The following USP13 variants were observed in gnomAD, a reference collection of about 807,000 sequenced individuals.
USP13 encodes ubiquitin specific peptidase 13, also known as ubiquitin carboxyl-terminal hydrolase 13.
A neutral mutation model predicts 107.8 loss-of-function variants in USP13; 68 were observed. The observed-to-expected ratio is 0.63, with a 90% CI of 0.52 to 0.77. USP13 has a LOEUF of 0.77. USP13 is among the 30% of genes least tolerant of loss of function. The pLI, the probability that USP13 is intolerant of heterozygous loss-of-function variation, is 0.00. For synonymous variants in USP13, 377 were observed against 389.5 expected (o/e 0.97, Z 0.38); for missense variants, 945 against 1,093.3 (o/e 0.86, Z 1.91).
rs542736821 is a variant in USP13 at position 179,655,381 on chromosome 3, C to T, written c.168+1988C>T. On this transcript the variant is annotated intron_variant, in intron 1 of 20. Transcript: ENST00000263966. ...GAATGTTACTATTCTAGAAACATCT[C>T]GTCCAGTGTAGACTGATGATTGCAA... 1.6e-4 allele frequency among the ~76,000 whole-genome samples: 24 copies of T among 152,138 alleles called. No homozygotes were observed. The East Asian group carries it at 4.4e-3, about 28-fold the overall frequency.
chr3:179,723,048 G>A (rs926534292), intron 8 of USP13, among the ~76,000 whole-genome samples: 4 of 152,178 alleles, frequency 2.6e-5, no homozygotes, highest in African/African-American at 9.7e-5. Flanking sequence ...ATCCTAATGT[G>A]TTCCAGAGGT....
chr3:179,783,036 C>T (rs959727991), intron 20 of USP13, among the ~76,000 whole-genome samples: 2 of 152,158 alleles, frequency 1.3e-5, no homozygotes, highest in East Asian at 3.9e-4. Context: ...TGAGTCACCG[C>T]ACCCGGCTGG....
chr3:179,688,078 T>TATCC lies in USP13; in HGVS notation c.295-2146_295-2143dup, dbSNP rs370920027. Reference sequence around the variant, plus strand: ...CCTGTTTTACTCCCTGTAATCAGGATATCCATCCATCCATCCATCCGTCCA... The same window carrying TATCC: ...CCTGTTTTACTCCCTGTAATCAGGATATCCATCCATCCATCCATCCATCCGTCCA... On this transcript the variant is annotated intron_variant, in intron 2 of 20. Transcript: ENST00000263966. Among the ~76,000 whole-genome samples, 29 of 87,412 alleles carry TATCC rather than the reference T, an allele frequency of 3.3e-4. No individual in the cohort carries two copies. In the East Asian group the frequency reaches 4.3e-3, roughly 13 times the overall value. 57.3% of individuals were successfully genotyped at this position (87,412 alleles called of 152,430 possible).
intron 6 of USP13, among the ~76,000 whole-genome samples, chr3:179,717,956 T>TAGAA (rs10625528): frequency 0.9 from 136,177 of 151,770 alleles, 61,374 homozygotes; most frequent in Non-Finnish European, 0.94. Context: ...TTATTAATAA[T>TAGAA]AGACTGAATT....
chr3:179,764,067 G>A lies in USP13; in HGVS notation c.2158G>A (p.Gly720Ser). The change falls in exon 18 of 21, where the codon GGT becomes AGT. Residue 720 changes from glycine (G) to serine (S), a missense_variant. Transcript: ENST00000263966. ...GAASAGASVF[G>S]ASGLDNQPPE... ...AGCTTCTGCTGGAGCCTCTGTTTTT[G>A]GTGCTTCTGGACTGGATAACCAACC... 1.2e-6 allele frequency: 2 copies of A among 1,613,764 alleles called. No individual in the cohort carries two copies. Among genetic ancestry groups the A allele is most frequent in the Non-Finnish European group, 1.7e-6 (2 of 1,179,962 alleles).
At chr3:179,662,451 CT>C (rs567179670) in intron 1 of USP13, among the ~76,000 whole-genome samples, 1 of 152,152 alleles carries the variant, frequency 6.6e-6, no homozygotes, top group Non-Finnish European at 1.5e-5. Context: ...TTGGCTTTCC[CT>C]GCTGCTGGCC....
At position 179,730,189 on chromosome 3, in the gene USP13, G is replaced by A. The variant is rs935790618; in HGVS notation, c.1089G>A (p.Ala363=). The change falls in exon 9 of 21, where the codon GCG becomes GCA. Residue 363 remains alanine (A), a splice_region_variant and synonymous_variant. Transcript: ENST00000263966. ...AIFSIPEFQR[A]YVGNLPRIFD... is the part of the protein sequence containing the mutation. ...TTAACTATTGCCTCTCATTTTCTAGGTATGTAGGAAACCTTCCCAGAATAT... is the reference window on the plus strand; with the variant it reads ...TTAACTATTGCCTCTCATTTTCTAGATATGTAGGAAACCTTCCCAGAATAT... The A allele has an allele frequency of 8.7e-6, 14 of 1,611,922 alleles. No homozygotes were observed. In the African/African-American group the frequency reaches 1.6e-4, roughly 18 times the overall value.
intron 15 of USP13, among the ~76,000 whole-genome samples, chr3:179,755,657 A>G (rs533187305): frequency 6.6e-6 from 1 of 152,368 alleles, no homozygotes; most frequent in South Asian, 2.1e-4. Context: ...TTGTGAGTTC[A>G]AAAACAGTGT....
At chr3:179,711,388 T>C (rs1441995215) in intron 6 of USP13, among the ~76,000 whole-genome samples, 2 of 152,106 alleles carry the variant, frequency 1.3e-5, no homozygotes, top group South Asian at 4.1e-4. Context: ...AATTTTTGTA[T>C]TTTTAGTAGA....
chr3:179,761,104 C>T lies in USP13; in HGVS notation c.1949-8C>T, dbSNP rs1158865303. ...TTTCACACTAGAATATCCTGTTGTG[C>T]TCTGTAGCATCAGACATCGATGAGT... On this transcript the variant is annotated splice_region_variant and splice_polypyrimidine_tract_variant and intron_variant, in intron 16 of 20. Transcript: ENST00000263966. 1 of 1,613,994 alleles carries T rather than the reference C, an allele frequency of 6.2e-7. No individual in the cohort carries two copies. The highest frequency in any genetic ancestry group is 2.2e-5 in the East Asian group (1 of 44,898).
chr3:179,749,925 A>G (rs1221519506), intron 13 of USP13, among the ~76,000 whole-genome samples: 1 of 152,284 alleles, frequency 6.6e-6, no homozygotes, highest in Non-Finnish European at 1.5e-5. Flanking sequence ...CCAGATTTTA[A>G]GCTAATATGG....
At chr3:179,655,569 T>TTTTTTTTTTTTTTTTTTTTTG (rs1720232692) in intron 1 of USP13, among the ~76,000 whole-genome samples, 1 of 148,074 alleles carries the variant, frequency 6.8e-6, no homozygotes, top group African/African-American at 2.6e-5. Flanking sequence ...TTTGTTTTGT[T>TTTTTTTTTTTTTTTTTTTTTG]TTTTTTTTGA....
intron 10 of USP13, among the ~76,000 whole-genome samples, chr3:179,734,209 A>G (rs753052524): frequency 6.6e-6 from 1 of 152,242 alleles, no homozygotes; most frequent in African/African-American, 2.4e-5. Context: ...ATAAAAAGGC[A>G]GCAGTATTTA....
chr3:179,738,230 A>G (rs572902069), intron 10 of USP13, among the ~76,000 whole-genome samples: 1 of 152,328 alleles, frequency 6.6e-6, no homozygotes, highest in East Asian at 1.9e-4. Context: ...GGAGAGGAAT[A>G]TGGTCTGCAA....
In USP13 at chr3:179,653,584, G is replaced by A; in HGVS notation, c.168+191G>A. 1 of 808,630 alleles carries A rather than the reference G, an allele frequency of 1.2e-6. No homozygotes were observed. The highest frequency in any genetic ancestry group is 1.8e-6 in the Non-Finnish European group (1 of 543,718). The allele number at this position is 808,630 out of a possible 1,614,324, so 50.1% of individuals were successfully genotyped here. A position where few individuals can be genotyped will look rare whatever the true frequency, so the allele number is the denominator to read the frequency against. ...CTGCTGCAGCCGAGGACTGGCTCGT[G>A]CTGGTGGTTTTGCTCCGCCAGCCTC... On this transcript the variant is annotated intron_variant, in intron 1 of 20. Coordinates refer to ENST00000263966, the MANE Select transcript of USP13 (RefSeq NM_003940.3). This position sits in a 1 kb window ranked among gnomAD's most constrained non-coding sequence, Gnocchi z 4.0.
chr3:179,710,365 A>C (rs1433564093), intron 6 of USP13, among the ~76,000 whole-genome samples: 4 of 152,192 alleles, frequency 2.6e-5, no homozygotes, highest in Admixed American at 2.6e-4. Flanking sequence ...TCTGTCGGAT[A>C]AAGTTGCAAG....
chr3:179,747,384 G>A (rs1351229641), intron 13 of USP13, among the ~76,000 whole-genome samples: 2 of 152,192 alleles, frequency 1.3e-5, no homozygotes, highest in African/African-American at 4.8e-5. Context: ...GGAGGTGGAA[G>A]GTGATTGTGG....
At chr3:179,768,374 A>G (rs1054828144) in intron 19 of USP13, among the ~76,000 whole-genome samples, 7 of 152,240 alleles carry the variant, frequency 4.6e-5, no homozygotes, top group African/African-American at 1.7e-4. Flanking sequence ...ACTCTACCTC[A>G]GAGTGATCTG....
At chr3:179,681,774 C>T (rs1371758351) in intron 1 of USP13, 104 bp from the exon 2 acceptor site, 3 of 1,454,008 alleles carry the variant, frequency 2.1e-6, no homozygotes, top group Admixed American at 4.3e-5. Flanking sequence ...TGGCCCTTTG[C>T]CAGGCCTCGT....
Sources: gnomAD v4.1 joint callset for allele counts (sites outside exome capture counted in the v4.1 genomes callset) on GRCh38, gnomAD v4.1.1 for gene constraint, Gnocchi (gnomAD v3.1) non-coding constraint, MANE v1.5 for transcripts, NCBI Gene and HGNC (gene_info 2026-07-23, HGNC 2026-07-21) for gene names.